The following ZNF385D variants were observed in gnomAD, a reference collection of about 807,000 sequenced individuals.
ZNF385D encodes zinc finger protein 385D.
Under a neutral mutation model 35.8 loss-of-function variants are expected in ZNF385D, and 15 were observed. The ratio of observed to expected loss-of-function variants is 0.42; its 90% CI spans 0.28 to 0.64. The LOEUF (loss-of-function observed/expected upper bound fraction) is 0.64. ZNF385D is among the 30% of genes least tolerant of loss of function. The pLI is 0.23. For missense variants in ZNF385D, 474 were observed against 494.6 expected, an observed-to-expected ratio of 0.96 and a Z score of 0.39; for synonymous variants, 212 against 186.8, an observed-to-expected ratio of 1.13 and a Z score of -1.10.
At chr3:21,662,726 C>A (rs9824268) in intron 2 of ZNF385D, among the ~76,000 whole-genome samples, 40,656 of 151,962 alleles carry the variant, frequency 0.27, 5,881 homozygotes, top group African/African-American at 0.37. Context: ...AACAGAGGGC[C>A]TCTTGGTTTA....
chr3:22,199,836 T>C (rs1696664037), intron 2 of ZNF385D, among the ~76,000 whole-genome samples: 1 of 152,152 alleles, frequency 6.6e-6, no homozygotes, highest in Non-Finnish European at 1.5e-5. Context: ...GTAAAATTTA[T>C]GAATTACATT....
chr3:22,145,050 AGTT>A (rs1157531604), intron 3 of ZNF385D, among the ~76,000 whole-genome samples: 4 of 151,210 alleles, frequency 2.6e-5, no homozygotes, highest in African/African-American at 9.8e-5. Flanking sequence ...AGTCACAATT[AGTT>A]ATCAGTGATA....
intron 2 of ZNF385D, among the ~76,000 whole-genome samples, chr3:21,606,370 A>G (rs974782368): frequency 1.3e-5 from 2 of 152,222 alleles, no homozygotes; most frequent in East Asian, 3.9e-4. Flanking sequence ...ACTCTCCTCC[A>G]CTAAATGCTT....
chr3:21,526,370 T>C (rs1007042080), intron 3 of ZNF385D, among the ~76,000 whole-genome samples: 1 of 152,180 alleles, frequency 6.6e-6, no homozygotes, highest in African/African-American at 2.4e-5. Flanking sequence ...AAACTTGAGC[T>C]ATTAGTTCAA....
At chr3:21,862,192 C>A (rs1425873753) in intron 3 of ZNF385D, among the ~76,000 whole-genome samples, 1 of 151,920 alleles carries the variant, frequency 6.6e-6, no homozygotes, top group Non-Finnish European at 1.5e-5. Context: ...TTGTAGAATA[C>A]CTTAACTCAT....
intron 2 of ZNF385D, among the ~76,000 whole-genome samples, chr3:21,649,465 G>A (rs2065851259): frequency 6.6e-6 from 1 of 152,000 alleles, no homozygotes; most frequent in Admixed American, 6.6e-5. Context: ...AGGTTGTCCA[G>A]CCACATCAAG....
rs1226008231 is a variant in ZNF385D, at chr3:22,233,755, G to T, written c.107-64720C>A. Among the ~76,000 whole-genome samples the T allele has an allele frequency of 5.9e-5, 9 of 151,970 alleles. 1 individual carries two copies. In the East Asian group the frequency reaches 1.7e-3, roughly 29 times the overall value. On this transcript the variant is annotated intron_variant, in intron 2 of 5. Coordinates refer to the ZNF385D transcript ENST00000494108. ...ATTCTCATCTTTTGAGTTCCAGGGT[G>T]GTTTAATTACCCACCTACTTATTTG...
chr3:21,880,962 G>C (rs540924819), intron 3 of ZNF385D, among the ~76,000 whole-genome samples: 2 of 152,084 alleles, frequency 1.3e-5, no homozygotes, highest in South Asian at 4.1e-4. Flanking sequence ...CCCTAACTCT[G>C]TTCAATTCTG....
chr3:22,142,152 C>T (rs1436002680), intron 3 of ZNF385D, among the ~76,000 whole-genome samples: 1 of 152,114 alleles, frequency 6.6e-6, no homozygotes, highest in African/African-American at 2.4e-5. Flanking sequence ...ATGTTTAGTC[C>T]ACAGTATTAT....
At chr3:21,959,482 T>C (rs554079976) in intron 3 of ZNF385D, among the ~76,000 whole-genome samples, 2 of 152,324 alleles carry the variant, frequency 1.3e-5, no homozygotes, top group African/African-American at 4.8e-5. Flanking sequence ...CAGCTGAGAT[T>C]GAAGGCAATC....
chr3:22,298,384 GTGTGTGTGTGTA>G, intron 2 of ZNF385D, among the ~76,000 whole-genome samples: 1 of 142,130 alleles, frequency 7.0e-6, no homozygotes, highest in African/African-American at 2.5e-5. Context: ...ATGTGTGTGT[GTGTGTGTGTGTA>G]TATATATGTA....
intron 2 of ZNF385D, among the ~76,000 whole-genome samples, chr3:22,261,170 A>C (rs76935694): frequency 7.2e-5 from 11 of 151,730 alleles, no homozygotes; most frequent in African/African-American, 2.7e-4. Context: ...TAGCCTCTCA[A>C]ATTTGTTGTT....
At chr3:22,164,989 A>G (rs1706219059) in intron 3 of ZNF385D, among the ~76,000 whole-genome samples, 1 of 152,218 alleles carries the variant, frequency 6.6e-6, no homozygotes, top group South Asian at 2.1e-4. Context: ...CCATAAAAAG[A>G]TCAGTGGTTA....
chr3:22,318,288 T>A (rs1329023002), intron 2 of ZNF385D, among the ~76,000 whole-genome samples: 3 of 152,250 alleles, frequency 2.0e-5, no homozygotes, highest in Admixed American at 1.3e-4. Context: ...AATAAAATTA[T>A]TTATCAATAT....
At chr3:22,312,770 G>A (rs1703640969) in intron 2 of ZNF385D, among the ~76,000 whole-genome samples, 1 of 148,250 alleles carries the variant, frequency 6.7e-6, no homozygotes, top group Non-Finnish European at 1.5e-5. Context: ...TGGAGAGGAT[G>A]TGGAGAAATA....
intron 3 of ZNF385D, among the ~76,000 whole-genome samples, chr3:22,064,753 T>C (rs1169596800): frequency 1.3e-5 from 2 of 152,110 alleles, no homozygotes; most frequent in East Asian, 3.9e-4. Context: ...TCATTAGTAG[T>C]ATAATGGTGG....
chr3:21,988,317 T>G (rs2125388267), intron 3 of ZNF385D, among the ~76,000 whole-genome samples: 1 of 117,474 alleles, frequency 8.5e-6, no homozygotes, highest in East Asian at 2.4e-4. Context: ...CTTTTGGTCT[T>G]TGATGATGGT....
chr3:21,915,132 G>A (rs887254083), intron 3 of ZNF385D, among the ~76,000 whole-genome samples: 4 of 151,770 alleles, frequency 2.6e-5, no homozygotes, highest in African/African-American at 9.7e-5. Context: ...AATTCACATG[G>A]CATGTTTTCC....
intron 2 of ZNF385D, among the ~76,000 whole-genome samples, chr3:21,628,743 T>C (rs1002740545): frequency 1.3e-5 from 2 of 152,098 alleles, no homozygotes; most frequent in Non-Finnish European, 2.9e-5. Flanking sequence ...GGAATCTGAA[T>C]TGTGATAAGC....
Sources: gnomAD v4.1 joint callset for allele counts (sites outside exome capture counted in the v4.1 genomes callset) on GRCh38, gnomAD v4.1.1 for gene constraint, MANE v1.5 for transcripts, NCBI Gene and HGNC (gene_info 2026-07-23, HGNC 2026-07-21) for gene names.